GSE1: variants seen among roughly 807,000 people sequenced by gnomAD.
The protein encoded by GSE1 is Gse1 coiled-coil protein, also known as genetic suppressor element 1.
In GSE1, 32 loss-of-function variants were observed where a neutral mutation model predicts 112.6. The ratio of observed to expected loss-of-function variants is 0.28; its 90% CI spans 0.21 to 0.38. The LOEUF (loss-of-function observed/expected upper bound fraction) is 0.38. Ranked by LOEUF, GSE1 falls within the 10% of genes least tolerant of loss-of-function variation. The pLI, the probability that GSE1 is intolerant of heterozygous loss-of-function variation, is 1.00. For missense variants in GSE1, 2,348 were observed against 1,699.2 expected, an observed-to-expected ratio of 1.38 and a Z score of -6.71; for synonymous variants, 1,115 against 735.6, an observed-to-expected ratio of 1.52 and a Z score of -8.35.
intron 2 of GSE1, among the ~76,000 whole-genome samples, chr16:85,510,200 G>A (rs368225139): frequency 2.6e-5 from 4 of 152,310 alleles, no homozygotes; most frequent in African/African-American, 9.6e-5. Flanking sequence ...AGTGCTTTGT[G>A]AGCCGGCTTT....
intron 1 of GSE1, among the ~76,000 whole-genome samples, chr16:85,186,436 C>T (rs889323465): frequency 6.7e-5 from 10 of 148,254 alleles, no homozygotes; most frequent in African/African-American, 2.2e-4. Flanking sequence ...AACCCCATCT[C>T]TACTAAAAAT....
chr16:85,245,878 C>CGTGTGT (rs372818970), intron 1 of GSE1, among the ~76,000 whole-genome samples: 5 of 150,630 alleles, frequency 3.3e-5, no homozygotes, highest in Non-Finnish European at 7.4e-5. Context: ...CCTGCGTGTG[C>CGTGTGT]GTGTGTGTGT....
intron 1 of GSE1, among the ~76,000 whole-genome samples, chr16:85,198,743 T>C (rs980825186): frequency 6.6e-6 from 1 of 151,872 alleles, no homozygotes; most frequent in Non-Finnish European, 1.5e-5. Flanking sequence ...TTGCCAGGCC[T>C]CCTTGTTTTG....
chr16:85,555,665 C>A, upstream of GSE1: 10 of 892,936 alleles, frequency 1.1e-5, no homozygotes, highest in Non-Finnish European at 1.1e-5. Context: ...AAGAGATACC[C>A]CCTCCCGCCG....
At chr16:85,469,296 C>T (rs1012113241) in intron 2 of GSE1, among the ~76,000 whole-genome samples, 1 of 152,048 alleles carries the variant, frequency 6.6e-6, no homozygotes, top group East Asian at 1.9e-4. Flanking sequence ...GACAGGGGCC[C>T]TTATGAGAGA....
rs369741196 is a variant in GSE1, at chr16:85,655,871, C to T, written c.943C>T (p.Leu315=). 3 of 1,608,468 alleles carry T rather than the reference C, an allele frequency of 1.9e-6. No individual in the cohort carries two copies. The highest frequency in any genetic ancestry group is 1.1e-5 in the South Asian group (1 of 91,086). Residue 315 remains leucine, a synonymous_variant, in exon 6 of 16, where the codon CTG becomes TTG. Coordinates refer to ENST00000253458, the MANE Select transcript of GSE1 (RefSeq NM_014615.5). ...CCCTCCCGAGCTCTCCCACTCATCC[C>T]TGGCAGCGCTGCACTCGGAGCGCAT... ...RYPPELSHSS[L]AALHSERMSG... is the part of the protein sequence containing the mutation.
chr16:85,502,279 C>T (rs953490797), intron 2 of GSE1, among the ~76,000 whole-genome samples: 2 of 152,188 alleles, frequency 1.3e-5, no homozygotes, highest in Non-Finnish European at 2.9e-5. Flanking sequence ...GGAGTTCGAT[C>T]CTGGCAGCTT....
At chr16:85,579,298 A>G (rs927047203) in intron 1 of GSE1, among the ~76,000 whole-genome samples, 8 of 152,116 alleles carry the variant, frequency 5.3e-5, no homozygotes, top group African/African-American at 1.9e-4. Context: ...GGGTTTTTCC[A>G]AAAACTAACC....
rs1294439205 is a variant in GSE1 at position 85,657,494 on chromosome 16, C to T, written c.1530C>T (p.Asp510=). 1.9e-6 allele frequency: 3 copies of T among 1,606,804 alleles called. No individual in the cohort carries two copies. Among genetic ancestry groups the T allele is most frequent in the Non-Finnish European group, 2.5e-6 (3 of 1,177,280 alleles). ...GGCGGCTGCGGCAGGAGAAGGAGGA[C>T]CGGCAGTCTCAGGTGTCCGAGTTCC... is the stretch of plus-strand genomic sequence containing the variant. The part of the protein sequence containing the change: ...RQRRLRQEKE[D]RQSQVSEFRQ... Residue 510 remains aspartate (D), a synonymous_variant, in exon 8 of 16, where the codon GAC becomes GAT. Coordinates refer to ENST00000253458, the MANE Select transcript of GSE1 (RefSeq NM_014615.5).
At chr16:85,246,527 G>A (rs1394938594) in intron 1 of GSE1, among the ~76,000 whole-genome samples, 1 of 94,370 alleles carries the variant, frequency 1.1e-5, no homozygotes, top group East Asian at 2.9e-4. Context: ...GCTGTCTGCA[G>A]GAGATGTGAT....
chr16:85,652,865 C>T (rs950715294), intron 3 of GSE1, among the ~76,000 whole-genome samples: 6 of 152,042 alleles, frequency 3.9e-5, no homozygotes, highest in Non-Finnish European at 5.9e-5. Flanking sequence ...TTTGGCATTT[C>T]GTGGCTCAGG....
chr16:85,258,400 C>T (rs1276422441), intron 1 of GSE1, among the ~76,000 whole-genome samples: 2 of 152,218 alleles, frequency 1.3e-5, no homozygotes, highest in Non-Finnish European at 2.9e-5. Context: ...TGAGACGAGG[C>T]CCACTGATTC....
intron 1 of GSE1, among the ~76,000 whole-genome samples, chr16:85,231,726 C>G (rs183524747): frequency 1.4e-3 from 207 of 152,266 alleles, no homozygotes; most frequent in African/African-American, 4.9e-3. Context: ...TGGTCAGCAA[C>G]CTGTCTAGGC....
intron 14 of GSE1, among the ~76,000 whole-genome samples, chr16:85,670,325 T>G (rs1043245634): frequency 1.3e-5 from 2 of 152,238 alleles, no homozygotes; most frequent in African/African-American, 4.8e-5. Flanking sequence ...TGTGAAACTT[T>G]AAAGCATCCC....
intron 1 of GSE1, among the ~76,000 whole-genome samples, chr16:85,287,711 A>AC (rs35589415): frequency 6.7e-6 from 1 of 149,460 alleles, no homozygotes; most frequent in Non-Finnish European, 1.5e-5. Context: ...TCCTGACCAC[A>AC]CCCCCCGATG....
At chr16:85,517,046 C>G (rs1477478164) in intron 2 of GSE1, among the ~76,000 whole-genome samples, 2 of 152,216 alleles carry the variant, frequency 1.3e-5, no homozygotes, top group African/African-American at 4.8e-5. Context: ...ATCCAGCCAT[C>G]TCGGCCTCCC....
chr16:85,254,111 T>C (rs1313987432), intron 1 of GSE1, among the ~76,000 whole-genome samples: 1 of 152,160 alleles, frequency 6.6e-6, no homozygotes, highest in Non-Finnish European at 1.5e-5. Flanking sequence ...GCACTTACCA[T>C]GTGCCAGGCA....
chr16:85,259,324 C>A (rs1279616000), intron 1 of GSE1, among the ~76,000 whole-genome samples: 1 of 151,962 alleles, frequency 6.6e-6, no homozygotes, highest in Non-Finnish European at 1.5e-5. Flanking sequence ...TGTGCTCCAC[C>A]CTGGCCCACC....
rs192584830 is a variant in GSE1, at chr16:85,280,318, C to A, written c.2284-77145C>A. The stretch of plus-strand genomic sequence containing the variant: ...GAGGCTTCTCTGGCCAAGGCCCCAT[C>A]CAGCACCCAAGCTCTCAGATTCCAC... On this transcript the variant is annotated intron_variant, in intron 1 of 2. Transcript: ENST00000637419. Among the ~76,000 whole-genome samples, 187 of 152,328 alleles carry A rather than the reference C, an allele frequency of 1.2e-3. 1 individual carries two copies. The highest frequency in any genetic ancestry group is 4.3e-3 in the African/African-American group (180 of 41,584).
Sources: allele counts gnomAD v4.1 joint callset (sites outside exome capture counted in the v4.1 genomes callset), GRCh38; gene constraint gnomAD v4.1.1; transcripts MANE v1.5; gene names NCBI Gene and HGNC (gene_info 2026-07-23, HGNC 2026-07-21).